Variants in GLI3 observed in about 807,000 individuals in gnomAD.
The protein encoded by GLI3 is GLI family zinc finger 3.
In GLI3, 20 loss-of-function variants were observed where a neutral mutation model predicts 100.8. That is an observed-to-expected ratio of 0.20 (90% CI 0.14 to 0.29). The LOEUF (loss-of-function observed/expected upper bound fraction) is 0.29, where lower values mean the gene tolerates loss of function less well. Ranked by LOEUF, GLI3 falls within the 10% of genes least tolerant of loss-of-function variation. GLI3 has a pLI of 1.00. For missense variants in GLI3, 2,040 were observed against 2,128.5 expected (o/e 0.96, Z 0.82); for synonymous variants, 938 against 860.5 (o/e 1.09, Z -1.58).
intron 4 of GLI3, among the ~76,000 whole-genome samples, chr7:42,075,331 G>A (rs1784857862): frequency 6.6e-6 from 1 of 152,158 alleles, no homozygotes; most frequent in Non-Finnish European, 1.5e-5. Context: ...TCCAGTCTGG[G>A]AGGAATTAGC....
At chr7:42,062,286 T>C (rs1407059361) in intron 4 of GLI3, among the ~76,000 whole-genome samples, 1 of 152,232 alleles carries the variant, frequency 6.6e-6, no homozygotes, top group Non-Finnish European at 1.5e-5. Flanking sequence ...TTATAAAGTC[T>C]GTTGCTTGAA....
At position 42,179,739 on chromosome 7, in the gene GLI3, C is replaced by T. The variant is rs117527746; in HGVS notation, c.125-31271G>A. ...TATGTGTGAGAGAGTGAGAGAGAGACGGAGAGGTGAGGGAGTGGGGAATAT... is the reference window on the plus strand; with the variant it reads ...TATGTGTGAGAGAGTGAGAGAGAGATGGAGAGGTGAGGGAGTGGGGAATAT... On this transcript the variant is annotated intron_variant, in intron 2 of 14. Coordinates refer to ENST00000395925, the MANE Select transcript of GLI3 (RefSeq NM_000168.6). 9.8e-4 allele frequency among the ~76,000 whole-genome samples: 149 copies of T among 151,934 alleles called. 1 individual carries two copies. In the East Asian group the frequency reaches 0.028, roughly 29 times the overall value.
chr7:42,263,976 A>T (rs1482834782), intron 1 of GLI3, among the ~76,000 whole-genome samples: 2 of 152,190 alleles, frequency 1.3e-5, no homozygotes, highest in East Asian at 3.9e-4. Flanking sequence ...GGAGATAAAA[A>T]ATTCTAAAAT....
chr7:41,967,847 C>T lies in GLI3; in HGVS notation c.2180G>A (p.Gly727Glu), dbSNP rs2128707258. 1.9e-6 allele frequency: 3 copies of T among 1,614,048 alleles called. No homozygotes were observed. In the South Asian group the frequency reaches 3.3e-5, roughly 18 times the overall value. ...TCCATCGGTCAGAGGAAGCTCGAGCCCACTGTTGGAATAGTTGCTGATGGG... is the reference window on the plus strand; with the variant it reads ...TCCATCGGTCAGAGGAAGCTCGAGCTCACTGTTGGAATAGTTGCTGATGGG... ...QSPISNYSNS[G>E]LELPLTDGGS... The change falls in exon 14 of 15, where the codon GGG becomes GAG. Residue 727 changes from glycine (G) to glutamate (E), a missense_variant. Physicochemically the swap from Gly to Glu is moderately conservative, Grantham distance 98 (BLOSUM62 -2). Transcript: ENST00000395925.
At chr7:42,207,242 C>A (rs1361523518) in intron 2 of GLI3, among the ~76,000 whole-genome samples, 1 of 152,180 alleles carries the variant, frequency 6.6e-6, no homozygotes, top group Non-Finnish European at 1.5e-5. Context: ...GACAGCCAAA[C>A]CCTGGATGCC....
chr7:42,242,361 C>T (rs934132811), upstream of GLI3, among the ~76,000 whole-genome samples: 2 of 152,190 alleles, frequency 1.3e-5, no homozygotes, highest in African/African-American at 2.4e-5. Context: ...CTCCTGGAAA[C>T]GTAGGTTTGC....
intron 3 of GLI3, among the ~76,000 whole-genome samples, chr7:42,132,350 T>A (rs537139950): frequency 6.6e-6 from 1 of 152,148 alleles, no homozygotes; most frequent in Admixed American, 6.5e-5. Flanking sequence ...TCCGCCCGCC[T>A]TGACCTCCCA....
chr7:41,967,762 G>A lies in GLI3; in HGVS notation c.2265C>T (p.Ser755=), dbSNP rs1181705104. The A allele has an allele frequency of 1.2e-6, 2 of 1,614,210 alleles. No individual in the cohort carries two copies. The highest frequency in any genetic ancestry group is 4.5e-5 in the East Asian group (2 of 44,882). The part of the protein sequence containing the change: ...DETPIMDSTI[S]TATTALALQA... The stretch of plus-strand genomic sequence containing the variant: ...GCAAAGCAAGGGCTGTGGTTGCAGT[G>A]GAAATGGTTGAGTCCATGATTGGGG... Residue 755 remains serine, a synonymous_variant, in exon 14 of 15, where the codon TCC becomes TCT. Transcript: ENST00000395925.
chr7:41,990,923 A>G (rs1265451626), intron 10 of GLI3, among the ~76,000 whole-genome samples: 2 of 151,570 alleles, frequency 1.3e-5, no homozygotes, highest in Non-Finnish European at 2.9e-5. Context: ...GTGATTGCTG[A>G]TCACAGAAGC....
chr7:41,969,294 C>T (rs80201050), intron 13 of GLI3, among the ~76,000 whole-genome samples: 2,142 of 152,300 alleles, frequency 0.014, 41 homozygotes, highest in African/African-American at 0.048. Context: ...TAAACACGGA[C>T]AGCAGCCGAA....
intron 6 of GLI3, 121 bp from the exon 7 acceptor site, chr7:42,040,360 C>T: frequency 1.3e-6 from 1 of 743,442 alleles, no homozygotes; most frequent in Non-Finnish European, 2.4e-6. Flanking sequence ...CGGTGACAAG[C>T]ACCTCTCCTC....
intron 9 of GLI3, 83 bp downstream of exon 9, chr7:42,025,181 G>T: frequency 1.2e-6 from 1 of 866,756 alleles, no homozygotes; most frequent in Non-Finnish European, 2.0e-6. Flanking sequence ...AAGACACCAG[G>T]TCTGGGGAGG....
At chr7:42,097,500 C>T (rs1047091126) in intron 3 of GLI3, among the ~76,000 whole-genome samples, 5 of 152,166 alleles carry the variant, frequency 3.3e-5, no homozygotes, top group African/African-American at 7.2e-5. Flanking sequence ...GGGCCTACCC[C>T]GGGAGCCCCC....
chr7:42,191,657 T>A (rs115238034), intron 2 of GLI3, among the ~76,000 whole-genome samples: 6,462 of 109,082 alleles, frequency 0.059, 257 homozygotes, highest in African/African-American at 0.16. Flanking sequence ...TTTCAAAAAA[T>A]ATATATATAT....
At chr7:42,085,922 G>C (rs1233507279) in intron 3 of GLI3, among the ~76,000 whole-genome samples, 1 of 152,110 alleles carries the variant, frequency 6.6e-6, no homozygotes, top group Middle Eastern at 3.2e-3. Flanking sequence ...GAGTGTGCTG[G>C]TTGGCAACTT....
chr7:42,132,991 T>C (rs1255430123), intron 3 of GLI3, among the ~76,000 whole-genome samples: 1 of 152,032 alleles, frequency 6.6e-6, no homozygotes, highest in African/African-American at 2.4e-5. Context: ...CACATCACCA[T>C]ATTCCATTGT....
chr7:42,002,968 A>G (rs1788347879), intron 10 of GLI3, among the ~76,000 whole-genome samples: 1 of 152,222 alleles, frequency 6.6e-6, no homozygotes, highest in Non-Finnish European at 1.5e-5. Context: ...GTGACAAACC[A>G]AGCACTAGTT....
intron 14 of GLI3, 88 bp downstream of exon 14, chr7:41,967,508 A>G: frequency 1.1e-6 from 1 of 914,882 alleles, no homozygotes; most frequent in Non-Finnish European, 1.8e-6. Flanking sequence ...ACTGGTGGAG[A>G]AACTAGCAAA....
chr7:42,229,168 C>A (rs1449932528), intron 1 of GLI3, among the ~76,000 whole-genome samples: 1 of 152,232 alleles, frequency 6.6e-6, no homozygotes. Flanking sequence ...TGCATCCTCC[C>A]TGAACAGCAG....
Sources: allele counts gnomAD v4.1 joint callset (sites outside exome capture counted in the v4.1 genomes callset), GRCh38; gene constraint gnomAD v4.1.1; transcripts MANE v1.5; gene names NCBI Gene and HGNC (gene_info 2026-07-23, HGNC 2026-07-21).